BMP1: variants seen among roughly 807,000 people sequenced by gnomAD.
BMP1 encodes the protein bone morphogenetic protein 1.
In BMP1, 63 loss-of-function variants were observed where a neutral mutation model predicts 116.8. The ratio of observed to expected loss-of-function variants is 0.54; its 90% CI spans 0.44 to 0.67. BMP1 has a LOEUF of 0.67. Ranked by LOEUF, BMP1 falls within the 30% of genes least tolerant of loss-of-function variation. The probability of loss-of-function intolerance (pLI) is 0.00; values close to 1 mark genes in which losing one functional copy is unlikely to be tolerated. For missense variants in BMP1, 1,183 were observed against 1,358.9 expected (o/e 0.87, Z 2.04); for synonymous variants, 536 against 533.4 (o/e 1.00, Z -0.07).
intron 8 of BMP1, 33 bp from the exon 9 acceptor site, chr8:22,192,016 C>T: frequency 6.4e-7 from 1 of 1,568,326 alleles, no homozygotes; most frequent in Non-Finnish European, 8.8e-7. Flanking sequence ...ATGTTCGGGA[C>T]AGCTTAACCC....
Position 22,207,523 on chromosome 8 carries a change from TC to T in BMP1, c.2575+11del. The stretch of plus-strand genomic sequence containing the variant: ...CAGGCCTCCCACGCCACAGGTACTG[TC>T]CCCGGTTGTGGGAGTGTTCACTGAG... On this transcript the variant is annotated splice_region_variant and intron_variant, in intron 18 of 19. Coordinates refer to ENST00000306385, the MANE Select transcript of BMP1 (RefSeq NM_006129.5). 1 of 1,611,986 alleles carries T rather than the reference TC, an allele frequency of 6.2e-7. No homozygotes were observed. Among genetic ancestry groups the T allele is most frequent in the Non-Finnish European group, 8.5e-7 (1 of 1,179,262 alleles).
At chr8:22,181,905 C>A (rs1007219723) in intron 8 of BMP1, among the ~76,000 whole-genome samples, 5 of 152,144 alleles carry the variant, frequency 3.3e-5, no homozygotes, top group African/African-American at 4.8e-5. Context: ...TTAAGCCCCC[C>A]AGTTGCTCCA....
At chr8:22,193,137 C>T (rs139324245) in intron 9 of BMP1, among the ~76,000 whole-genome samples, 45 of 152,322 alleles carry the variant, frequency 3.0e-4, no homozygotes, top group African/African-American at 1.1e-3. Flanking sequence ...GAACACACAA[C>T]TCATTCCTAG....
chr8:22,176,661 A>G lies in BMP1; in HGVS notation c.551+11A>G. On this transcript the variant is annotated intron_variant, in intron 4 of 19. Coordinates refer to ENST00000306385, the MANE Select transcript of BMP1 (RefSeq NM_006129.5). ...CTATCGACCTTGCGGGTGAGCAGGA[A>G]GCCCTAGGCGCTGTACCTTCCGCCA... 6.2e-7 allele frequency: 1 copy of G among 1,613,606 alleles called. No homozygotes were observed. The highest frequency in any genetic ancestry group is 1.3e-5 in the African/African-American group (1 of 75,024).
chr8:22,207,623 G>C, intron 18 of BMP1, 107 bp downstream of exon 18: 2 of 1,284,432 alleles, frequency 1.6e-6, no homozygotes, highest in Non-Finnish European at 2.1e-6. Context: ...TGAGCCCTGC[G>C]ACCCAGGGCC....
chr8:22,204,149 G>A lies in BMP1; in HGVS notation c.2233+2221G>A, dbSNP rs73225870. 4.1e-3 allele frequency among the ~76,000 whole-genome samples: 624 copies of A among 152,300 alleles called. 2 individuals are homozygous for A. Among genetic ancestry groups the A allele is most frequent in the Non-Finnish European group, 6.1e-3 (418 of 68,010 alleles). ...AGCCTAGCTGGGGAGAGACATGGGCGTGCAAGGAACACAGGGGGCGTGGAA... is the reference window on the plus strand; with the variant it reads ...AGCCTAGCTGGGGAGAGACATGGGCATGCAAGGAACACAGGGGGCGTGGAA... On this transcript the variant is annotated intron_variant, in intron 16 of 19. Transcript: ENST00000306385.
Position 22,165,500 on chromosome 8 carries a change from T to C in BMP1, c.95T>C (p.Leu32Pro), listed in dbSNP as rs1828063278. The part of the protein sequence containing the change: ...PLDLADYTYD[L>P]AEEDDSEPLN... Reference sequence around the variant, plus strand: ...GACTTGGCCGACTACACCTATGACCTGGCGGAGGAGGACGACTCGGAGCCC... The same window carrying C: ...GACTTGGCCGACTACACCTATGACCCGGCGGAGGAGGACGACTCGGAGCCC... The change falls in exon 1 of 20, where the codon CTG becomes CCG. Residue 32 changes from leucine (L) to proline (P), a missense_variant. Physicochemically the swap from Leu to Pro is moderately conservative, Grantham distance 98. Transcript: ENST00000306385. 5.6e-6 allele frequency: 9 copies of C among 1,594,672 alleles called. No homozygotes were observed. Among genetic ancestry groups the C allele is most frequent in the East Asian group, 2.4e-5 (1 of 42,088 alleles).
chr8:22,173,212 G>A (rs1828332095), intron 1 of BMP1, among the ~76,000 whole-genome samples: 1 of 152,158 alleles, frequency 6.6e-6, no homozygotes, highest in South Asian at 2.1e-4. Context: ...CACTGGAGAG[G>A]CTGAGGAGGC....
Position 22,194,980 on chromosome 8 carries a change from C to T in BMP1, c.1639+61C>T, listed in dbSNP as rs1829041013. 1 of 1,495,498 alleles carries T rather than the reference C, an allele frequency of 6.7e-7. No homozygotes were observed. The highest frequency in any genetic ancestry group is 9.1e-7 in the Non-Finnish European group (1 of 1,102,588). The allele number at this position is 1,495,498 out of a possible 1,614,324, so 92.6% of individuals were successfully genotyped here. A position where few individuals can be genotyped will look rare whatever the true frequency, so the allele number is the denominator to read the frequency against. ...CCTCGTGACCTTCATCCCTTCTTCA[C>T]TCACTCATTCAACACGGAGACTCCA... On this transcript the variant is annotated intron_variant, in intron 12 of 19. Coordinates refer to ENST00000306385, the MANE Select transcript of BMP1 (RefSeq NM_006129.5). This position sits in a 1 kb window ranked among gnomAD's most constrained non-coding sequence, Gnocchi z 4.5.
intron 18 of BMP1, among the ~76,000 whole-genome samples, chr8:22,207,877 T>A (rs982970877): frequency 6.6e-6 from 1 of 150,452 alleles, no homozygotes; most frequent in African/African-American, 2.5e-5. Flanking sequence ...TTTTTATTTT[T>A]ATTTTTATTT....
chr8:22,184,678 C>T (rs138783625), intron 8 of BMP1, among the ~76,000 whole-genome samples: 17 of 152,322 alleles, frequency 1.1e-4, no homozygotes, highest in African/African-American at 3.4e-4. Context: ...TGCCGGACCT[C>T]GCTATTCCCC....
chr8:22,194,443 A>G lies in BMP1; in HGVS notation c.1298-2A>G. 1 of 1,614,070 alleles carries G rather than the reference A, an allele frequency of 6.2e-7. No individual in the cohort carries two copies. The highest frequency in any genetic ancestry group is 8.5e-7 in the Non-Finnish European group (1 of 1,179,984). Reference sequence around the variant, plus strand: ...TTCCCACCCCATCCTGTGTCCCCACAGCCATCTGCGGGGGTGATGTGAAAA... The same window carrying G: ...TTCCCACCCCATCCTGTGTCCCCACGGCCATCTGCGGGGGTGATGTGAAAA... On this transcript the variant is annotated splice_acceptor_variant, in intron 10 of 19. Transcript: ENST00000306385. LOFTEE classifies it high-confidence loss of function. The surrounding 1 kb of genome is among the most constrained non-coding windows in gnomAD (Gnocchi z 4.5).
intron 16 of BMP1, among the ~76,000 whole-genome samples, chr8:22,205,591 A>G (rs1473905365): frequency 6.6e-6 from 1 of 152,084 alleles, no homozygotes; most frequent in Non-Finnish European, 1.5e-5. Flanking sequence ...CCTGGGCAAC[A>G]TAGTGAGACC....
chr8:22,186,178 G>T (rs1354616603), intron 8 of BMP1, among the ~76,000 whole-genome samples: 1 of 152,096 alleles, frequency 6.6e-6, no homozygotes, highest in Non-Finnish European at 1.5e-5. Flanking sequence ...CACATCCCCA[G>T]CCAGGCCAAA....
chr8:22,171,230 C>T (rs924817253), intron 1 of BMP1: 7 of 152,170 alleles, frequency 4.6e-5, no homozygotes, highest in East Asian at 1.9e-4. Flanking sequence ...AGTGAGTTAT[C>T]GCCCTTCATA....
intron 18 of BMP1, 89 bp downstream of exon 18, chr8:22,207,605 A>G: frequency 6.9e-7 from 1 of 1,443,860 alleles, no homozygotes; most frequent in East Asian, 2.4e-5. Context: ...ATGAAGGTAC[A>G]GAGGGACTGA....
chr8:22,207,422 C>G lies in BMP1; in HGVS notation c.2481C>G (p.Pro827=). 6.2e-7 allele frequency: 1 copy of G among 1,614,078 alleles called. No individual in the cohort carries two copies. Among genetic ancestry groups the G allele is most frequent in the Non-Finnish European group, 8.5e-7 (1 of 1,180,040 alleles). The change falls in exon 18 of 20, where the codon CCC becomes CCG. Residue 827 remains proline, a synonymous_variant. Coordinates refer to ENST00000306385, the MANE Select transcript of BMP1 (RefSeq NM_006129.5). The part of the protein sequence containing the change: ...VLGRFCGSKK[P]EPVLATGSRM... ...GCCGCTTCTGTGGGAGCAAGAAGCC[C>G]GAGCCCGTCCTGGCCACAGGCAGCC...
chr8:22,173,533 T>C (rs1274258176), intron 1 of BMP1, 69 bp from the exon 2 acceptor site: 12 of 1,232,918 alleles, frequency 9.7e-6, no homozygotes, highest in Non-Finnish European at 1.4e-5. Flanking sequence ...GGGTTGGGGC[T>C]AGAAGCACGG....
At chr8:22,210,367 CTTTTT>C (rs1198888155) in intron 19 of BMP1, among the ~76,000 whole-genome samples, 3 of 118,440 alleles carry the variant, frequency 2.5e-5, no homozygotes, top group African/African-American at 3.3e-5. Flanking sequence ...GCCTCTTCTT[CTTTTT>C]TTTTTTTTTT....
Sources: allele counts gnomAD v4.1 joint callset (sites outside exome capture counted in the v4.1 genomes callset), GRCh38; gene constraint gnomAD v4.1.1; non-coding constraint Gnocchi (gnomAD v3.1); transcripts MANE v1.5; gene names NCBI Gene and HGNC (gene_info 2026-07-23, HGNC 2026-07-21).